The following PDE3A variants were observed in gnomAD, a reference collection of about 807,000 sequenced individuals.
PDE3A encodes the protein cGMP-inhibited 3',5'-cyclic phosphodiesterase 3A.
In PDE3A, 43 loss-of-function variants were observed where a neutral mutation model predicts 98.3. The ratio of observed to expected loss-of-function variants is 0.44; its 90% CI spans 0.34 to 0.56. The LOEUF is 0.56. Among genes scored for constraint, PDE3A ranks in the 20% least tolerant of loss-of-function variants. The probability of loss-of-function intolerance (pLI) is 0.01; values close to 1 mark genes in which losing one functional copy is unlikely to be tolerated. For missense variants in PDE3A, 1,427 were observed against 1,440.7 expected (o/e 0.99, Z 0.15); for synonymous variants, 663 against 567.9 (o/e 1.17, Z -2.38).
At chr12:20,420,525 T>G (rs1944494924) in intron 1 of PDE3A, among the ~76,000 whole-genome samples, 1 of 152,036 alleles carries the variant, frequency 6.6e-6, no homozygotes, top group Non-Finnish European at 1.5e-5. Flanking sequence ...GGCCAAGAGT[T>G]AAGTTGGGGC....
chr12:20,474,813 C>T (rs929847087), intron 1 of PDE3A, among the ~76,000 whole-genome samples: 2 of 152,134 alleles, frequency 1.3e-5, no homozygotes, highest in Admixed American at 6.6e-5. Flanking sequence ...TTCAGATAAT[C>T]GGGGGAATCT....
At chr12:20,478,020 C>A (rs1435405587) in intron 1 of PDE3A, among the ~76,000 whole-genome samples, 4 of 152,108 alleles carry the variant, frequency 2.6e-5, no homozygotes, top group Non-Finnish European at 5.9e-5. Context: ...TTAATTAAAA[C>A]AAATAAATAA....
At chr12:20,478,160 T>C (rs551545507) in intron 1 of PDE3A, among the ~76,000 whole-genome samples, 13 of 152,344 alleles carry the variant, frequency 8.5e-5, no homozygotes, top group South Asian at 2.1e-4. Context: ...TTCATCTAGA[T>C]TTTTATAAAG....
chr12:20,461,505 G>A (rs935646029), intron 1 of PDE3A, among the ~76,000 whole-genome samples: 1 of 152,064 alleles, frequency 6.6e-6, no homozygotes, highest in Non-Finnish European at 1.5e-5. Flanking sequence ...AATTTTGGAA[G>A]CAGTAATATA....
intron 7 of PDE3A, among the ~76,000 whole-genome samples, 157 bp from the exon 8 acceptor site, chr12:20,634,745 T>A (rs1179168347): frequency 6.6e-6 from 1 of 152,238 alleles, no homozygotes; most frequent in Non-Finnish European, 1.5e-5. Flanking sequence ...AGATGTGTGA[T>A]GTTCTCCACC....
At chr12:20,555,289 C>T (rs1942342056) in intron 1 of PDE3A, among the ~76,000 whole-genome samples, 1 of 152,200 alleles carries the variant, frequency 6.6e-6, no homozygotes, top group Non-Finnish European at 1.5e-5. Context: ...ACTAGGATTA[C>T]AGGCATAAGC....
At chr12:20,649,848 AC>A (rs1260316435) in intron 13 of PDE3A, among the ~76,000 whole-genome samples, 1 of 151,952 alleles carries the variant, frequency 6.6e-6, no homozygotes, top group Admixed American at 6.6e-5. Context: ...GATTGCTTGA[AC>A]CCAGGAGGTG....
intron 15 of PDE3A, among the ~76,000 whole-genome samples, chr12:20,664,878 C>T (rs951648872): frequency 1.3e-5 from 2 of 152,136 alleles, no homozygotes; most frequent in African/African-American, 4.8e-5. Flanking sequence ...ATCCAACCTT[C>T]CCTTTCTCAG....
chr12:20,452,635 A>C (rs762569665), intron 1 of PDE3A, among the ~76,000 whole-genome samples: 3 of 152,226 alleles, frequency 2.0e-5, no homozygotes, highest in Non-Finnish European at 4.4e-5. Context: ...GTTTGATCAG[A>C]GAAACTTTTT....
chr12:20,383,616 C>T (rs1943698047), intron 1 of PDE3A, among the ~76,000 whole-genome samples: 1 of 151,908 alleles, frequency 6.6e-6, no homozygotes, highest in African/African-American at 2.4e-5. Flanking sequence ...TTGGTTTGGC[C>T]CTAGGAGCAG....
chr12:20,607,234 T>C (rs1943731636), intron 2 of PDE3A, among the ~76,000 whole-genome samples: 1 of 151,160 alleles, frequency 6.6e-6, no homozygotes, highest in Non-Finnish European at 1.5e-5. Context: ...AACCCAGGAG[T>C]TCAAGACCAG....
At chr12:20,600,666 T>A (rs1415590233) in intron 2 of PDE3A, among the ~76,000 whole-genome samples, 1 of 152,216 alleles carries the variant, frequency 6.6e-6, no homozygotes, top group African/African-American at 2.4e-5. Flanking sequence ...TAGGATTGCT[T>A]TTTGTGTCAG....
rs367799964 is a variant in PDE3A, at chr12:20,545,791, C to A, written c.961-10869C>A. Among the ~76,000 whole-genome samples the A allele has an allele frequency of 9.6e-4, 102 of 106,330 alleles. No individual in the cohort carries two copies. In the East Asian group the frequency reaches 0.01, roughly 10 times the overall value. The allele number at this position is 106,330 out of a possible 152,430, so 69.8% of individuals were successfully genotyped here. ...GTAGTGGCTGCCAAAAAAAAAAAAA[C>A]AAAACAAAACAAAACAAAAAAACCT... On this transcript the variant is annotated intron_variant, in intron 1 of 15. Coordinates refer to ENST00000359062, the MANE Select transcript of PDE3A (RefSeq NM_000921.5).
intron 15 of PDE3A, among the ~76,000 whole-genome samples, chr12:20,660,686 T>G (rs141713269): frequency 3.8e-4 from 58 of 152,340 alleles, no homozygotes; most frequent in African/African-American, 1.3e-3. Flanking sequence ...AAGTTCTCTT[T>G]TTGGCTGCTG....
In PDE3A at chr12:20,646,541, C is replaced by A; in HGVS notation, c.2303C>A (p.Thr768Asn). 6.2e-7 allele frequency: 1 copy of A among 1,610,830 alleles called. No individual in the cohort carries two copies. The highest frequency in any genetic ancestry group is 8.5e-7 in the Non-Finnish European group (1 of 1,177,050). ...GTTTTACATGCTGTTTGGTATCTTA[C>A]TACACAGCCTATTCCAGGCCTCTCA... ...TDVLHAVWYLTTQPIPGLSTV... is the reference protein window; with the variant it reads ...TDVLHAVWYLNTQPIPGLSTV... Residue 768 changes from threonine (T) to asparagine (N), a missense_variant, in exon 11 of 16, where the codon ACT (threonine) becomes AAT (asparagine). Thr to Asn is a moderately conservative substitution (Grantham distance 65, BLOSUM62 0). Around this residue, in one of 3 missense-constraint regions of PDE3A, gnomAD observed 273 missense variants for 420.3 expected, o/e 0.65. Coordinates refer to ENST00000359062, the MANE Select transcript of PDE3A (RefSeq NM_000921.5).
intron 1 of PDE3A, among the ~76,000 whole-genome samples, chr12:20,455,464 G>T (rs1945138433): frequency 6.6e-6 from 1 of 152,138 alleles, no homozygotes; most frequent in Non-Finnish European, 1.5e-5. Context: ...AGTTTAATTA[G>T]ATTTCATTGG....
At chr12:20,509,763 A>C (rs1205176694) in intron 1 of PDE3A, among the ~76,000 whole-genome samples, 1 of 151,928 alleles carries the variant, frequency 6.6e-6, no homozygotes, top group African/African-American at 2.4e-5. Context: ...AAAACTTGGA[A>C]ATAAACAAAA....
intron 2 of PDE3A, among the ~76,000 whole-genome samples, chr12:20,605,242 T>G (rs1049959145): frequency 5.3e-5 from 8 of 152,182 alleles, no homozygotes; most frequent in Non-Finnish European, 1.2e-4. Context: ...ATGCGTAACT[T>G]ACCTATTGGG....
intron 5 of PDE3A, among the ~76,000 whole-genome samples, chr12:20,622,017 T>C (rs1395607790): frequency 1.3e-5 from 2 of 152,140 alleles, no homozygotes; most frequent in Non-Finnish European, 2.9e-5. Flanking sequence ...CCTTTCCTTT[T>C]TGGAATCTAA....
Sources: allele counts gnomAD v4.1 joint callset (sites outside exome capture counted in the v4.1 genomes callset), GRCh38; gene constraint gnomAD v4.1.1; regional missense constraint gnomAD v4.1.1; transcripts MANE v1.5; gene names NCBI Gene and HGNC (gene_info 2026-07-23, HGNC 2026-07-21).